The following TDRP variants were observed in gnomAD, a reference collection of about 807,000 sequenced individuals.
TDRP encodes testis development related protein, also known as testis development-related protein.
TDRP carries 12 observed loss-of-function variants against 10.5 expected under a neutral mutation model. The ratio of observed to expected loss-of-function variants is 1.15; its 90% CI spans 0.73 to 1.86. The LOEUF is 1.86. TDRP is among the 40% of genes most tolerant of loss of function. The probability of loss-of-function intolerance (pLI) is 0.00; values close to 1 mark genes in which losing one functional copy is unlikely to be tolerated. For synonymous variants in TDRP, 139 were observed against 95.4 expected (o/e 1.46, Z -2.67); for missense variants, 353 against 229.2 (o/e 1.54, Z -3.49).
chr8:520,394 G>A (rs111811175), intron 1 of TDRP, among the ~76,000 whole-genome samples: 9 of 152,124 alleles, frequency 5.9e-5, no homozygotes, highest in African/African-American at 2.2e-4. Flanking sequence ...ATTATAAGTG[G>A]TGCTGTAATG....
intron 1 of TDRP, among the ~76,000 whole-genome samples, chr8:508,107 A>C (rs903241998): frequency 3.9e-4 from 59 of 152,308 alleles, no homozygotes; most frequent in Middle Eastern, 3.4e-3. Context: ...AAGTATGATA[A>C]AGATGTAAAG....
intron 1 of TDRP, among the ~76,000 whole-genome samples, chr8:505,000 T>A (rs1364914539): frequency 6.6e-6 from 1 of 152,244 alleles, no homozygotes; most frequent in Non-Finnish European, 1.5e-5. Context: ...AACAAAGTAT[T>A]TTGATGAAAT....
chr8:491,960 T>G lies in TDRP; in HGVS notation c.*439A>C. The stretch of plus-strand genomic sequence containing the variant: ...ATAACTTTGGAAGATTCATCTTACC[T>G]CCTGACTAATTTTCTAGCAAAAGAA... On this transcript the variant is annotated 3_prime_UTR_variant, in exon 3 of 3. Transcript: ENST00000324079. 1 of 1,116,236 alleles carries G rather than the reference T, an allele frequency of 9.0e-7. No individual in the cohort carries two copies. The highest frequency in any genetic ancestry group is 1.1e-6 in the Non-Finnish European group (1 of 915,898). The allele number at this position is 1,116,236 out of a possible 1,614,324, so 69.1% of individuals were successfully genotyped here.
intron 1 of TDRP, among the ~76,000 whole-genome samples, chr8:544,019 A>C (rs1266995804): frequency 6.6e-6 from 1 of 152,062 alleles, no homozygotes; most frequent in Admixed American, 6.5e-5. Context: ...CATACCAAAC[A>C]TATCTCTACA....
At chr8:496,125 T>G (rs190085070) in intron 1 of TDRP, among the ~76,000 whole-genome samples, 1 of 151,920 alleles carries the variant, frequency 6.6e-6, no homozygotes, top group Non-Finnish European at 1.5e-5. Context: ...CACAAAAACC[T>G]ACCAAAGAAA....
At chr8:498,667 TAAG>T (rs893031806) in intron 1 of TDRP, among the ~76,000 whole-genome samples, 25 of 152,166 alleles carry the variant, frequency 1.6e-4, no homozygotes, top group African/African-American at 5.8e-4. Flanking sequence ...TTTTGAAATG[TAAG>T]AAGAACATTA....
intron 1 of TDRP, among the ~76,000 whole-genome samples, chr8:513,162 G>A (rs1269806149): frequency 6.7e-6 from 1 of 150,328 alleles, no homozygotes; most frequent in African/African-American, 2.4e-5. Context: ...ATTTTGTGAG[G>A]GCACTATTAT....
intron 1 of TDRP, among the ~76,000 whole-genome samples, chr8:503,607 C>G (rs1301444240): frequency 6.8e-6 from 1 of 147,938 alleles, no homozygotes; most frequent in Non-Finnish European, 1.5e-5. Flanking sequence ...GTACCCACCT[C>G]AGCACGCACC....
chr8:535,577 G>C (rs1045212119), intron 1 of TDRP, among the ~76,000 whole-genome samples: 1 of 152,032 alleles, frequency 6.6e-6, no homozygotes, highest in African/African-American at 2.4e-5. Flanking sequence ...TAACTCCTAA[G>C]ACAAGGCTGA....
chr8:544,538 C>T, intron 1 of TDRP, 112 bp downstream of exon 1: 2 of 718,476 alleles, frequency 2.8e-6, no homozygotes, highest in Non-Finnish European at 3.8e-6. Flanking sequence ...CTCACCTGCC[C>T]GCCCAAACTG....
chr8:508,938 G>C (rs7011425), intron 1 of TDRP, among the ~76,000 whole-genome samples: 41,225 of 152,010 alleles, frequency 0.27, 5,729 homozygotes, highest in South Asian at 0.35. Flanking sequence ...CTTCAAATGG[G>C]AGAAACTGGC....
chr8:541,862 A>T (rs2116884675), intron 1 of TDRP, among the ~76,000 whole-genome samples: 1 of 152,286 alleles, frequency 6.6e-6, no homozygotes, highest in Admixed American at 6.5e-5. Flanking sequence ...TTATAAAACT[A>T]AACACTCTCA....
Position 491,832 on chromosome 8 carries a change from G to A in TDRP, c.*567C>T. The A allele has an allele frequency of 2.4e-6, 3 of 1,234,196 alleles. No homozygotes were observed. The highest frequency in any genetic ancestry group is 3.0e-6 in the Non-Finnish European group (3 of 988,398). The allele number at this position is 1,234,196 out of a possible 1,614,324, so 76.5% of individuals were successfully genotyped here. A position where few individuals can be genotyped will look rare whatever the true frequency, so the allele number is the denominator to read the frequency against. On this transcript the variant is annotated 3_prime_UTR_variant, in exon 3 of 3. Coordinates refer to ENST00000324079, the MANE Select transcript of TDRP (RefSeq NM_001384899.1). ...AGCAAAAGATGAACATGCATTTTAA[G>A]ATACATTTTACTCCCAAATATAAGC... is the stretch of plus-strand genomic sequence containing the variant.
intron 1 of TDRP, among the ~76,000 whole-genome samples, chr8:497,573 AT>A (rs1162381081): frequency 6.6e-6 from 1 of 152,216 alleles, no homozygotes. Flanking sequence ...AGTTTGGAAA[AT>A]TTGCAGCCTG....
chr8:499,796 C>T (rs1217206851), intron 1 of TDRP, among the ~76,000 whole-genome samples: 3 of 152,232 alleles, frequency 2.0e-5, no homozygotes, highest in African/African-American at 7.2e-5. Flanking sequence ...CACTCTGCTC[C>T]TGTAGCCAGC....
At chr8:501,356 T>A (rs1448071684) in intron 1 of TDRP, among the ~76,000 whole-genome samples, 1 of 152,016 alleles carries the variant, frequency 6.6e-6, no homozygotes, top group Non-Finnish European at 1.5e-5. Context: ...TCTTTTGTTT[T>A]GTCTTTTTGA....
chr8:504,093 G>A (rs1268327447), intron 1 of TDRP, among the ~76,000 whole-genome samples: 2 of 152,136 alleles, frequency 1.3e-5, no homozygotes, highest in African/African-American at 2.4e-5. Context: ...ACGGAATCCA[G>A]AGCCACGTGT....
Position 491,372 on chromosome 8 carries a change from C to G in TDRP, c.*1027G>C. On this transcript the variant is annotated 3_prime_UTR_variant, in exon 3 of 3. Coordinates refer to ENST00000324079, the MANE Select transcript of TDRP (RefSeq NM_001384899.1). ...GATAAGAGCCAACCTTCCAGGGACG[C>G]ATAACTGGCACCTGATACTGTGCAG... 1 of 375,682 alleles carries G rather than the reference C, an allele frequency of 2.7e-6. No individual in the cohort carries two copies. Among genetic ancestry groups the G allele is most frequent in the East Asian group, 3.8e-5 (1 of 26,240 alleles). The allele number at this position is 375,682 out of a possible 1,614,324, so 23.3% of individuals were successfully genotyped here. A position where few individuals can be genotyped will look rare whatever the true frequency, so the allele number is the denominator to read the frequency against.
chr8:526,970 A>C (rs991284683), intron 1 of TDRP, among the ~76,000 whole-genome samples: 1 of 152,146 alleles, frequency 6.6e-6, no homozygotes, highest in Admixed American at 6.5e-5. Context: ...ACTCAACCAA[A>C]TAGGGCAGGC....
Sources: gnomAD v4.1 joint callset for allele counts (sites outside exome capture counted in the v4.1 genomes callset) on GRCh38, gnomAD v4.1.1 for gene constraint, MANE v1.5 for transcripts, NCBI Gene and HGNC (gene_info 2026-07-23, HGNC 2026-07-21) for gene names.